NBPF15: variants seen among roughly 807,000 people sequenced by gnomAD.
NBPF15 encodes the protein NBPF family member NBPF15.
NBPF15 carries 74 observed loss-of-function variants against 62.2 expected under a neutral mutation model. That is an observed-to-expected ratio of 1.19 (90% CI 0.99 to 1.44). The LOEUF (loss-of-function observed/expected upper bound fraction) is 1.44. Ranked by LOEUF, NBPF15 falls within the 40% of genes most tolerant of loss-of-function variation. The pLI is 0.00. For missense variants in NBPF15, 790 were observed against 550.0 expected, an observed-to-expected ratio of 1.44 and a Z score of -4.36; for synonymous variants, 244 against 209.7, an observed-to-expected ratio of 1.16 and a Z score of -1.41.
intron 6 of NBPF15, among the ~76,000 whole-genome samples, chr1:144,448,521 C>G (rs1196053353): frequency 6.6e-6 from 1 of 151,982 alleles, no homozygotes; most frequent in Non-Finnish European, 1.5e-5. Flanking sequence ...AAAAAGGAAA[C>G]AAGGCAATAT....
intron 8 of NBPF15, among the ~76,000 whole-genome samples, chr1:144,439,492 T>C (rs1681247072): frequency 1.3e-5 from 2 of 152,056 alleles, no homozygotes; most frequent in South Asian, 2.1e-4. Flanking sequence ...ACAGACTAGA[T>C]GTTATTTGTC....
rs1307575570 is a variant in NBPF15, at chr1:144,427,874, C to T, written c.1157G>A (p.Arg386Lys). 1.5e-6 allele frequency: 1 copy of T among 658,094 alleles called. No homozygotes were observed. The allele number at this position is 658,094 out of a possible 1,614,324, so 40.8% of individuals were successfully genotyped here. Residue 386 changes from arginine to lysine, a missense_variant, in exon 16 of 22, where the codon AGA (arginine) becomes AAA (lysine). Arg to Lys is a conservative substitution (Grantham distance 26). Coordinates refer to ENST00000581897, the MANE Select transcript of NBPF15 (RefSeq NM_001385408.1). ...TTGCTCCAATACGTAAAAGGCACTT[C>T]TGTAGGGCTGGCATGAGTCAGTCAG... ...LELTDSCQPY[R>K]SAFYVLEQQR...
chr1:144,442,012 G>A (rs1683239191), intron 6 of NBPF15, among the ~76,000 whole-genome samples: 1 of 147,342 alleles, frequency 6.8e-6, no homozygotes, highest in South Asian at 2.1e-4. Flanking sequence ...GGCCTGTCAT[G>A]GGGTGAGGGC....
chr1:144,456,507 A>T, intron 4 of NBPF15, 30 bp downstream of exon 4: 4 of 1,281,966 alleles, frequency 3.1e-6, no homozygotes, highest in Non-Finnish European at 4.0e-6. Context: ...CTCTGACTCC[A>T]TCGAGCTGGC....
chr1:144,444,835 G>T (rs1172583706), intron 6 of NBPF15, among the ~76,000 whole-genome samples: 1 of 151,916 alleles, frequency 6.6e-6, no homozygotes, highest in East Asian at 1.9e-4. Context: ...CGCCCCTCAG[G>T]TTGGTCTGGA....
In NBPF15 at chr1:144,445,919, C is replaced by T. The variant is rs797034338; in HGVS notation, c.-191+2856G>A. ...TTACCCAGGCTGGAGTGCAGTGATG[C>T]GATCTCGGCTCACTGCAACCTCTGC... On this transcript the variant is annotated intron_variant, in intron 6 of 21. Coordinates refer to ENST00000581897, the MANE Select transcript of NBPF15 (RefSeq NM_001385408.1). Among the ~76,000 whole-genome samples, 355 of 137,670 alleles carry T rather than the reference C, an allele frequency of 2.6e-3. 5 individuals are homozygous for T. In the South Asian group the frequency reaches 0.033, roughly 13 times the overall value. The allele number at this position is 137,670 out of a possible 152,430, so 90.3% of individuals were successfully genotyped here.
intron 17 of NBPF15, among the ~76,000 whole-genome samples, 173 bp downstream of exon 17, chr1:144,426,874 G>A (rs1670132328): frequency 6.8e-6 from 1 of 147,536 alleles, no homozygotes; most frequent in Admixed American, 6.8e-5. Context: ...AATGATAAGG[G>A]GAGGAAGAAA....
chr1:144,448,350 C>A (rs1302438033), intron 6 of NBPF15, among the ~76,000 whole-genome samples: 2 of 151,994 alleles, frequency 1.3e-5, no homozygotes, highest in Non-Finnish European at 2.9e-5. Context: ...TCCAGACATT[C>A]CTGGTGGTAT....
chr1:144,443,469 G>A (rs1381483289), intron 6 of NBPF15, among the ~76,000 whole-genome samples: 64 of 150,798 alleles, frequency 4.2e-4, no homozygotes, highest in African/African-American at 1.5e-3. Context: ...TTTGAAACTA[G>A]CTTTCAAATT....
At chr1:144,451,325 G>C (rs1338312093) in intron 4 of NBPF15, among the ~76,000 whole-genome samples, 3 of 151,346 alleles carry the variant, frequency 2.0e-5, no homozygotes, top group African/African-American at 2.4e-5. Flanking sequence ...ATATACAATC[G>C]GGCTTTACAC....
intron 4 of NBPF15, among the ~76,000 whole-genome samples, chr1:144,451,535 A>G (rs587773030): frequency 1.8e-4 from 28 of 151,936 alleles, no homozygotes; most frequent in Admixed American, 1.2e-3. Flanking sequence ...CTTGGACAAT[A>G]CCTGGCTTTC....
At chr1:144,446,597 GT>G (rs1687706521) in intron 6 of NBPF15, among the ~76,000 whole-genome samples, 1 of 152,048 alleles carries the variant, frequency 6.6e-6, no homozygotes, top group African/African-American at 2.4e-5. Flanking sequence ...GTTGCCTTCT[GT>G]TCTCATCATG....
At position 144,461,617 on chromosome 1, in the gene NBPF15, T is replaced by C. The variant is rs587730184; in HGVS notation, c.-1174A>G. 4.6e-5 allele frequency: 7 copies of C among 152,622 alleles called. No individual in the cohort carries two copies. In the South Asian group the frequency reaches 1.0e-3, roughly 23 times the overall value. The allele number at this position is 152,622 out of a possible 1,614,324, so 9.5% of individuals were successfully genotyped here. On this transcript the variant is annotated 5_prime_UTR_variant, in exon 1 of 22. It removes an upstream start codon present in the reference 5' UTR. Coordinates refer to ENST00000581897, the MANE Select transcript of NBPF15 (RefSeq NM_001385408.1). ...GCTGTCTCAACCGCCGCCCAGCCCA[T>C]AGCCTGCGCCAGCTGGCTCCTCAGG...
At chr1:144,441,135 C>T (rs1489665831) in intron 6 of NBPF15, among the ~76,000 whole-genome samples, 4 of 151,868 alleles carry the variant, frequency 2.6e-5, no homozygotes, top group Non-Finnish European at 4.4e-5. Flanking sequence ...AACTACTGTG[C>T]ATAAGTAACT....
intron 8 of NBPF15, among the ~76,000 whole-genome samples, 186 bp downstream of exon 8, chr1:144,439,643 G>T (rs1681360778): frequency 6.6e-6 from 1 of 150,988 alleles, no homozygotes; most frequent in African/African-American, 2.4e-5. Context: ...TTGCAAACAT[G>T]GAAAGTTGCT....
chr1:144,443,641 G>A (rs1484316383), intron 6 of NBPF15, among the ~76,000 whole-genome samples: 10 of 151,904 alleles, frequency 6.6e-5, no homozygotes, highest in East Asian at 1.9e-4. Flanking sequence ...TTCATTGCAT[G>A]TATTGTTAAG....
chr1:144,437,849 C>G (rs1679712275), intron 9 of NBPF15, 96 bp downstream of exon 9: 3 of 1,588,690 alleles, frequency 1.9e-6, no homozygotes, highest in East Asian at 2.2e-5. Context: ...TGCCCTTCCC[C>G]TGGCCCAGCT....
intron 6 of NBPF15, chr1:144,442,551 A>G (rs868918040): frequency 6.6e-5 from 10 of 151,868 alleles, no homozygotes; most frequent in Middle Eastern, 5.3e-3. Context: ...GGCGGCCCCA[A>G]CAGCAGCGAC....
chr1:144,441,277 T>C (rs1682748091), intron 6 of NBPF15, among the ~76,000 whole-genome samples: 2 of 151,660 alleles, frequency 1.3e-5, no homozygotes, highest in African/African-American at 4.9e-5. Context: ...TTTGTATTGT[T>C]TTACATTTCT....
Sources: allele counts gnomAD v4.1 joint callset (sites outside exome capture counted in the v4.1 genomes callset), GRCh38; gene constraint gnomAD v4.1.1; transcripts MANE v1.5; gene names NCBI Gene and HGNC (gene_info 2026-07-23, HGNC 2026-07-21).